The following MTRF1 variants were observed in gnomAD, a reference collection of about 807,000 sequenced individuals.
MTRF1 encodes the protein peptide chain release factor 1, mitochondrial.
MTRF1 carries 51 observed loss-of-function variants against 62.9 expected under a neutral mutation model. The observed-to-expected ratio is 0.81, with a 90% CI of 0.65 to 1.02. MTRF1 has a LOEUF of 1.02. Ranked by LOEUF, MTRF1 falls within the 50% of genes least tolerant of loss-of-function variation. MTRF1 has a pLI of 0.00. For synonymous variants in MTRF1, 158 were observed against 181.9 expected, an observed-to-expected ratio of 0.87 and a Z score of 1.06; for missense variants, 446 against 530.0, an observed-to-expected ratio of 0.84 and a Z score of 1.56.
chr13:41,307,338 T>C, the MTRF1 span, among the ~76,000 whole-genome samples: 1 of 152,160 alleles, frequency 6.6e-6, no homozygotes, highest in East Asian at 1.9e-4. Flanking sequence ...TAAAAGTGTG[T>C]AGCACCGCTG....
chr13:41,223,594 C>G (rs1367480348), intron 8 of MTRF1, among the ~76,000 whole-genome samples: 2 of 152,122 alleles, frequency 1.3e-5, no homozygotes, highest in African/African-American at 4.8e-5. Flanking sequence ...TCCTTAAAAT[C>G]AAATTAATCA....
chr13:41,270,520 C>A, the MTRF1 span, among the ~76,000 whole-genome samples: 2 of 152,098 alleles, frequency 1.3e-5, no homozygotes, highest in Non-Finnish European at 2.9e-5. Context: ...CTTTCAAATT[C>A]TTGATAACCT....
At chr13:41,239,324 A>C (rs1333606093) in intron 6 of MTRF1, among the ~76,000 whole-genome samples, 1 of 152,220 alleles carries the variant, frequency 6.6e-6, no homozygotes, top group Non-Finnish European at 1.5e-5. Flanking sequence ...TTATACAATT[A>C]TGTTTAGTTT....
intron 7 of MTRF1, among the ~76,000 whole-genome samples, chr13:41,227,342 G>A (rs2034625633): frequency 2.0e-5 from 3 of 151,618 alleles, no homozygotes; most frequent in South Asian, 4.2e-4. Context: ...ATGAAAAGAC[G>A]CTACTCAGAG....
chr13:41,217,158 G>C lies in MTRF1; in HGVS notation c.1295C>G (p.Ala432Gly), dbSNP rs757394957. 2 of 1,608,146 alleles carry C rather than the reference G, an allele frequency of 1.2e-6. No individual in the cohort carries two copies. Among genetic ancestry groups the C allele is most frequent in the East Asian group, 4.5e-5 (2 of 44,632 alleles). ...QRLLQSADEE[A>G]IAELLDEHLK... ...GTGTTCATCCAAAAGTTCAGCAATG[G>C]CTTCTTCATCTGCTGATTGAAGCAG... is the stretch of plus-strand genomic sequence containing the variant. Residue 432 changes from alanine (A) to glycine (G), a missense_variant, in exon 10 of 10, where the codon GCC becomes GGC. Ala to Gly is a moderately conservative substitution (Grantham distance 60). Coordinates refer to ENST00000379480, the MANE Select transcript of MTRF1 (RefSeq NM_004294.4).
At chr13:41,246,994 C>T (rs934287458) in intron 5 of MTRF1, among the ~76,000 whole-genome samples, 2 of 152,204 alleles carry the variant, frequency 1.3e-5, no homozygotes, top group East Asian at 1.9e-4. Flanking sequence ...GCTACAGCAC[C>T]GCACACCTGA....
chr13:41,238,571 C>G (rs2037045297), intron 6 of MTRF1, among the ~76,000 whole-genome samples: 1 of 152,120 alleles, frequency 6.6e-6, no homozygotes. Flanking sequence ...AGAAAATCAC[C>G]ATCTTGCAAC....
chr13:41,302,642 A>G, the MTRF1 span, among the ~76,000 whole-genome samples: 6 of 151,338 alleles, frequency 4.0e-5, no homozygotes, highest in African/African-American at 1.5e-4. Context: ...TGATCCTCCC[A>G]CTTCAGCCTC....
At chr13:41,272,683 A>G in the MTRF1 span, among the ~76,000 whole-genome samples, 7 of 152,214 alleles carry the variant, frequency 4.6e-5, no homozygotes, top group African/African-American at 1.7e-4. Context: ...GATGGGTCTC[A>G]GGCTAAAGAC....
At chr13:41,256,928 G>C (rs2039805982) in intron 2 of MTRF1, among the ~76,000 whole-genome samples, 1 of 152,150 alleles carries the variant, frequency 6.6e-6, no homozygotes, top group Non-Finnish European at 1.5e-5. Flanking sequence ...CAGACAATGG[G>C]GTTAGGGGCT....
At chr13:41,260,266 G>A (rs1416490818) in intron 2 of MTRF1, among the ~76,000 whole-genome samples, 1 of 152,022 alleles carries the variant, frequency 6.6e-6, no homozygotes, top group African/African-American at 2.4e-5. Context: ...TCAGGATGCT[G>A]AAGTGGGGGG....
chr13:41,272,327 G>A, the MTRF1 span, among the ~76,000 whole-genome samples: 2 of 152,186 alleles, frequency 1.3e-5, no homozygotes, highest in Non-Finnish European at 2.9e-5. Flanking sequence ...TAGGGTGGAA[G>A]AAAAGTAAAT....
the MTRF1 span, among the ~76,000 whole-genome samples, chr13:41,279,975 T>C: frequency 6.6e-6 from 1 of 152,170 alleles, no homozygotes; most frequent in Non-Finnish European, 1.5e-5. Context: ...TTTTGCTCTG[T>C]TGCCCAGGCT....
At chr13:41,250,321 C>T (rs1455345575) in intron 5 of MTRF1, among the ~76,000 whole-genome samples, 2 of 152,078 alleles carry the variant, frequency 1.3e-5, no homozygotes, top group Non-Finnish European at 2.9e-5. Context: ...GTCTATCCTT[C>T]TAAACATGGC....
At chr13:41,295,234 T>C in the MTRF1 span, among the ~76,000 whole-genome samples, 1 of 152,206 alleles carries the variant, frequency 6.6e-6, no homozygotes, top group Non-Finnish European at 1.5e-5. Flanking sequence ...CTTGAAGGTG[T>C]AGAAAAGCAA....
the MTRF1 span, among the ~76,000 whole-genome samples, chr13:41,307,664 G>A: frequency 6.6e-6 from 1 of 151,592 alleles, no homozygotes; most frequent in African/African-American, 2.4e-5. Context: ...TATTCCTCCT[G>A]CTCCAGCCAT....
At chr13:41,285,497 T>G in the MTRF1 span, among the ~76,000 whole-genome samples, 3 of 152,210 alleles carry the variant, frequency 2.0e-5, no homozygotes, top group African/African-American at 7.2e-5. Flanking sequence ...ATTGCATTAC[T>G]GAACTTGATG....
chr13:41,279,781 T>C, the MTRF1 span, among the ~76,000 whole-genome samples: 1 of 152,118 alleles, frequency 6.6e-6, no homozygotes, highest in Non-Finnish European at 1.5e-5. Flanking sequence ...AAATCCCCTT[T>C]CCCCTTTGTT....
At chr13:41,218,154 C>T (rs1295674064) in intron 9 of MTRF1, among the ~76,000 whole-genome samples, 4 of 152,078 alleles carry the variant, frequency 2.6e-5, no homozygotes, top group East Asian at 3.9e-4. Flanking sequence ...CTTGCTCTGT[C>T]GCCCAGGCTG....
Sources: gnomAD v4.1 joint callset for allele counts (sites outside exome capture counted in the v4.1 genomes callset) on GRCh38, gnomAD v4.1.1 for gene constraint, MANE v1.5 for transcripts, NCBI Gene and HGNC (gene_info 2026-07-23, HGNC 2026-07-21) for gene names.